Variants in PPARGC1A observed in about 807,000 individuals in gnomAD.
The protein encoded by PPARGC1A is peroxisome proliferator-activated receptor gamma coactivator 1-alpha.
PPARGC1A carries 25 observed loss-of-function variants against 88.7 expected under a neutral mutation model. That is an observed-to-expected ratio of 0.28 (90% CI 0.21 to 0.39). PPARGC1A has a LOEUF of 0.39. PPARGC1A is among the 10% of genes least tolerant of loss of function. PPARGC1A has a pLI of 1.00. For synonymous variants in PPARGC1A, 363 were observed against 355.6 expected (o/e 1.02, Z -0.24); for missense variants, 880 against 968.7 (o/e 0.91, Z 1.22).
chr4:24,389,080 T>G, the PPARGC1A span, among the ~76,000 whole-genome samples: 51 of 152,248 alleles, frequency 3.3e-4, no homozygotes, highest in African/African-American at 1.0e-3. Flanking sequence ...ATTAGCAAGT[T>G]TCCCTGCATT....
At chr4:24,385,730 TGAAATTGAGGCA>T in the PPARGC1A span, among the ~76,000 whole-genome samples, 1 of 152,090 alleles carries the variant, frequency 6.6e-6, no homozygotes, top group Non-Finnish European at 1.5e-5. Context: ...TAACATGTTC[TGAAATTGAGGCA>T]GAAATTGATA....
chr4:24,449,764 A>G, the PPARGC1A span, among the ~76,000 whole-genome samples: 2 of 152,228 alleles, frequency 1.3e-5, no homozygotes, highest in African/African-American at 2.4e-5. Flanking sequence ...ATACCACTCT[A>G]TATTAAATAC....
the PPARGC1A span, among the ~76,000 whole-genome samples, chr4:24,126,021 A>G: frequency 6.6e-6 from 1 of 152,178 alleles, no homozygotes; most frequent in Non-Finnish European, 1.5e-5. Context: ...TGACCTATTG[A>G]TGTAGTCATC....
At chr4:23,977,623 C>T in the PPARGC1A span, among the ~76,000 whole-genome samples, 3 of 152,080 alleles carry the variant, frequency 2.0e-5, no homozygotes, top group Non-Finnish European at 2.9e-5. Flanking sequence ...CAAACCACCA[C>T]GGCACACGTT....
the PPARGC1A span, among the ~76,000 whole-genome samples, chr4:24,309,951 G>T: frequency 6.6e-6 from 1 of 152,288 alleles, no homozygotes; most frequent in South Asian, 2.1e-4. Flanking sequence ...GCATTGAATA[G>T]GATTTTCTGA....
At chr4:24,159,206 CTT>C in the PPARGC1A span, among the ~76,000 whole-genome samples, 207 of 109,824 alleles carry the variant, frequency 1.9e-3, no homozygotes, top group African/African-American at 7.5e-3. Flanking sequence ...GGAAATTAAC[CTT>C]TTTTTTTTTT....
chr4:24,110,679 T>C, the PPARGC1A span, among the ~76,000 whole-genome samples: 135 of 152,302 alleles, frequency 8.9e-4, 7 homozygotes, highest in Non-Finnish European at 3.7e-4. Context: ...AAAAAGTTTT[T>C]CTTGATGTAA....
chr4:24,228,240 T>A, the PPARGC1A span, among the ~76,000 whole-genome samples: 1 of 152,218 alleles, frequency 6.6e-6, no homozygotes, highest in Non-Finnish European at 1.5e-5. Flanking sequence ...TGATGCCATT[T>A]TAGCTGCCAT....
chr4:23,903,668 C>T (rs1301697215), upstream of PPARGC1A, among the ~76,000 whole-genome samples: 1 of 152,132 alleles, frequency 6.6e-6, no homozygotes, highest in Non-Finnish European at 1.5e-5. Context: ...GATTACACAA[C>T]TCTAAAAATC....
intron 10 of PPARGC1A, among the ~76,000 whole-genome samples, chr4:23,811,379 A>C (rs1336932712): frequency 6.6e-6 from 1 of 152,212 alleles, no homozygotes; most frequent in Non-Finnish European, 1.5e-5. Flanking sequence ...GATATGTCAA[A>C]AGCTGATCTT....
chr4:24,170,601 G>A, the PPARGC1A span, among the ~76,000 whole-genome samples: 1 of 152,150 alleles, frequency 6.6e-6, no homozygotes, highest in South Asian at 2.1e-4. Context: ...CAAATGCCAG[G>A]GTGATAGTCC....
the PPARGC1A span, among the ~76,000 whole-genome samples, chr4:24,175,668 G>A: frequency 0.021 from 3,199 of 151,504 alleles, 124 homozygotes; most frequent in African/African-American, 0.073. Context: ...GATTACAGGC[G>A]TGAGCCACTG....
chr4:24,024,732 T>C, the PPARGC1A span, among the ~76,000 whole-genome samples: 1 of 152,202 alleles, frequency 6.6e-6, no homozygotes, highest in African/African-American at 2.4e-5. Flanking sequence ...TGGCTAAGTG[T>C]ATCAAGTCAT....
the PPARGC1A span, among the ~76,000 whole-genome samples, chr4:24,333,238 C>T: frequency 6.6e-6 from 1 of 151,404 alleles, no homozygotes; most frequent in African/African-American, 2.4e-5. Context: ...AGCAAGACTC[C>T]ATCTCAAAAG....
chr4:24,241,382 G>A, the PPARGC1A span, among the ~76,000 whole-genome samples: 1 of 152,200 alleles, frequency 6.6e-6, no homozygotes, highest in African/African-American at 2.4e-5. Context: ...CTGGAAGACA[G>A]GGGTAACATT....
At chr4:23,893,306 A>G (rs931844465), upstream of PPARGC1A, among the ~76,000 whole-genome samples, 2 of 152,152 alleles carry the variant, frequency 1.3e-5, no homozygotes, top group Non-Finnish European at 2.9e-5. Context: ...TCCATATTTC[A>G]GACAACTGCC....
At chr4:24,331,878 T>C in the PPARGC1A span, among the ~76,000 whole-genome samples, 2 of 151,906 alleles carry the variant, frequency 1.3e-5, no homozygotes, top group Non-Finnish European at 1.5e-5. Context: ...CAACCCATCA[T>C]ATAGGTTTTA....
At chr4:23,896,513 G>A (rs1195193156) in intron 1 of PPARGC1A, among the ~76,000 whole-genome samples, 1 of 152,094 alleles carries the variant, frequency 6.6e-6, no homozygotes, top group East Asian at 1.9e-4. Context: ...CAACACTGAG[G>A]GAAGTTAGTA....
At chr4:23,892,226 A>G (rs1443248054), upstream of PPARGC1A, among the ~76,000 whole-genome samples, 1 of 152,208 alleles carries the variant, frequency 6.6e-6, no homozygotes, top group Middle Eastern at 3.2e-3. Context: ...CTACTTCTAA[A>G]AAATCAAATC....
Sources: gnomAD v4.1 joint callset for allele counts (sites outside exome capture counted in the v4.1 genomes callset) on GRCh38, gnomAD v4.1.1 for gene constraint, MANE v1.5 for transcripts, NCBI Gene and HGNC (gene_info 2026-07-23, HGNC 2026-07-21) for gene names.